ADGRD1: variants seen among roughly 807,000 people sequenced by gnomAD.
The protein encoded by ADGRD1 is G-protein coupled receptor 133.
A neutral mutation model predicts 113.4 loss-of-function variants in ADGRD1; 77 were observed. The observed-to-expected ratio is 0.68, with a 90% CI of 0.57 to 0.82. The LOEUF (loss-of-function observed/expected upper bound fraction) is 0.82, where lower values mean the gene tolerates loss of function less well. Among genes scored for constraint, ADGRD1 ranks in the 40% least tolerant of loss-of-function variants. The pLI, the probability that ADGRD1 is intolerant of heterozygous loss-of-function variation, is 0.00. For missense variants in ADGRD1, 1,036 were observed against 1,139.1 expected, an observed-to-expected ratio of 0.91 and a Z score of 1.30; for synonymous variants, 474 against 475.0, an observed-to-expected ratio of 1.00 and a Z score of 0.03.
chr12:130,969,165 CTA>C (rs1871334369), intron 3 of ADGRD1: 1 of 739,384 alleles, frequency 1.4e-6, no homozygotes, highest in Admixed American at 2.1e-5. Flanking sequence ...TCTGAATTCA[CTA>C]TGTCTTGGCT....
intron 13 of ADGRD1, among the ~76,000 whole-genome samples, chr12:131,062,020 TG>T: frequency 6.6e-6 from 1 of 152,158 alleles, no homozygotes; most frequent in African/African-American, 2.4e-5. Context: ...TTTTTTTGTT[TG>T]TTTGTTTTTT....
At chr12:130,973,921 C>T (rs757649424) in intron 4 of ADGRD1, among the ~76,000 whole-genome samples, 5 of 152,100 alleles carry the variant, frequency 3.3e-5, no homozygotes, top group Non-Finnish European at 5.9e-5. Flanking sequence ...GATCTTGTCT[C>T]TAACTTAAAG....
At chr12:131,085,200 G>A (rs1431877164) in intron 15 of ADGRD1, among the ~76,000 whole-genome samples, 1 of 152,246 alleles carries the variant, frequency 6.6e-6, no homozygotes, top group Non-Finnish European at 1.5e-5. Flanking sequence ...TGTGTTCACG[G>A]AGTGGTGAGG....
At chr12:130,982,410 T>C (rs996782320) in intron 5 of ADGRD1, among the ~76,000 whole-genome samples, 13 of 152,206 alleles carry the variant, frequency 8.5e-5, no homozygotes, top group African/African-American at 2.7e-4. Context: ...AAGCTGAAGA[T>C]ATGGTGTGCA....
At chr12:131,046,945 G>C (rs1463577601) in intron 13 of ADGRD1, among the ~76,000 whole-genome samples, 2 of 142,596 alleles carry the variant, frequency 1.4e-5, no homozygotes, top group Admixed American at 7.0e-5. Flanking sequence ...TCCCTCCCTG[G>C]TCAGTGTCCT....
intron 20 of ADGRD1, among the ~76,000 whole-genome samples, chr12:131,125,872 G>T (rs769398745): frequency 2.3e-4 from 35 of 152,168 alleles, no homozygotes; most frequent in Non-Finnish European, 5.0e-4. Context: ...TCTTTATAAT[G>T]CAATGTTGAA....
intron 15 of ADGRD1, among the ~76,000 whole-genome samples, chr12:131,103,050 CCT>C (rs1950129212): frequency 6.6e-6 from 1 of 152,234 alleles, no homozygotes; most frequent in South Asian, 2.1e-4. Context: ...TCTCCCTGGC[CCT>C]GGCCACGCAG....
At chr12:130,986,088 T>C (rs767082139) in intron 5 of ADGRD1, among the ~76,000 whole-genome samples, 2 of 152,210 alleles carry the variant, frequency 1.3e-5, no homozygotes, top group Non-Finnish European at 2.9e-5. Context: ...GTCTGGAAAT[T>C]GGGTAGTGTT....
chr12:131,071,506 C>T (rs1465527358), intron 13 of ADGRD1, among the ~76,000 whole-genome samples: 3 of 152,098 alleles, frequency 2.0e-5, no homozygotes, highest in Admixed American at 2.0e-4. Context: ...GGCGGGGTCC[C>T]TGTGGTTAAT....
At chr12:131,013,807 T>G (rs1478422413) in intron 12 of ADGRD1, among the ~76,000 whole-genome samples, 1 of 152,228 alleles carries the variant, frequency 6.6e-6, no homozygotes, top group African/African-American at 2.4e-5. Flanking sequence ...CACAGCTGAT[T>G]AAGTGGAATC....
In ADGRD1 at chr12:130,966,804, TAGAGATGG is replaced by T; in HGVS notation, c.187+259_187+266del. 2.4e-6 allele frequency: 1 copy of T among 412,190 alleles called. No homozygotes were observed. Among genetic ancestry groups the T allele is most frequent in the Non-Finnish European group, 4.6e-6 (1 of 219,398 alleles). 25.5% of individuals were successfully genotyped at this position (412,190 alleles called of 1,614,324 possible). On this transcript the variant is annotated intron_variant, in intron 3 of 24. Transcript: ENST00000261654. This position sits in a 1 kb window ranked among gnomAD's most constrained non-coding sequence, Gnocchi z 4.6. ...AGTTATTTCAAAGCTTTTTTTTTTGTAGAGATGGGGTCTTGCTATGTTGCCAGGCTGGT... is the reference window on the plus strand; with the variant it reads ...AGTTATTTCAAAGCTTTTTTTTTTGTGGTCTTGCTATGTTGCCAGGCTGGT...
At chr12:131,030,717 A>T (rs1880617473) in intron 13 of ADGRD1, 1 of 152,274 alleles carries the variant, frequency 6.6e-6, no homozygotes, top group African/African-American at 2.4e-5. Context: ...GGCCTTTGGC[A>T]TCTGTAGCGT....
chr12:131,102,051 A>G (rs1220586785), intron 15 of ADGRD1, among the ~76,000 whole-genome samples: 1 of 152,210 alleles, frequency 6.6e-6, no homozygotes, highest in Non-Finnish European at 1.5e-5. Context: ...TACCTGCAGA[A>G]TCCTCAGAAC....
intron 19 of ADGRD1, 95 bp downstream of exon 19, chr12:131,118,546 G>A (rs1375010745): frequency 4.6e-6 from 4 of 866,342 alleles, no homozygotes; most frequent in Non-Finnish European, 7.3e-6. Flanking sequence ...GCTCTTCTGG[G>A]TGCAGGGGTG....
intron 12 of ADGRD1, among the ~76,000 whole-genome samples, chr12:131,013,816 T>C (rs1878223937): frequency 6.6e-6 from 1 of 152,188 alleles, no homozygotes; most frequent in African/African-American, 2.4e-5. Context: ...TTAAGTGGAA[T>C]CGGTGAGATT....
Position 131,004,312 on chromosome 12 carries a change from C to G in ADGRD1, c.1255+16C>G. 1 of 1,558,508 alleles carries G rather than the reference C, an allele frequency of 6.4e-7. No individual in the cohort carries two copies. Among genetic ancestry groups the G allele is most frequent in the South Asian group, 1.1e-5 (1 of 89,794 alleles). On this transcript the variant is annotated intron_variant, in intron 11 of 24. Coordinates refer to ENST00000261654, the MANE Select transcript of ADGRD1 (RefSeq NM_198827.5). Reference sequence around the variant, plus strand: ...CACAGGCACGGTGAGTGTGGCTGCGCTGGACTCCCTTCCGGGGCGGCTCCC... The same window carrying G: ...CACAGGCACGGTGAGTGTGGCTGCGGTGGACTCCCTTCCGGGGCGGCTCCC...
At chr12:131,124,973 G>C (rs1384710212) in intron 20 of ADGRD1, among the ~76,000 whole-genome samples, 1 of 152,130 alleles carries the variant, frequency 6.6e-6, no homozygotes, top group African/African-American at 2.4e-5. Context: ...CAAGATCGAG[G>C]TGTCGTCAGG....
chr12:130,958,899 T>C (rs1424281846), intron 2 of ADGRD1, among the ~76,000 whole-genome samples: 1 of 152,218 alleles, frequency 6.6e-6, no homozygotes, highest in African/African-American at 2.4e-5. Context: ...TGTCACGCCC[T>C]CGCACCGCGG....
In ADGRD1 at chr12:131,139,832, C is replaced by T. The variant is rs184064683; in HGVS notation, c.*569C>T. On this transcript the variant is annotated 3_prime_UTR_variant, in exon 25 of 25. Transcript: ENST00000261654. Reference sequence around the variant, plus strand: ...TGGTGTGTGTCTCTGTAGGTGGTGCCGGCGTGGGCCAACCTGTGCTGTGTC... The same window carrying T: ...TGGTGTGTGTCTCTGTAGGTGGTGCTGGCGTGGGCCAACCTGTGCTGTGTC... The T allele has an allele frequency of 5.6e-4, 85 of 153,102 alleles. No homozygotes were observed. The highest frequency in any genetic ancestry group is 8.2e-4 in the South Asian group (4 of 4,868). The allele number at this position is 153,102 out of a possible 1,614,324, so 9.5% of individuals were successfully genotyped here. A position where few individuals can be genotyped will look rare whatever the true frequency, so the allele number is the denominator to read the frequency against.
Sources: gnomAD v4.1 joint callset for allele counts (sites outside exome capture counted in the v4.1 genomes callset) on GRCh38, gnomAD v4.1.1 for gene constraint, Gnocchi (gnomAD v3.1) non-coding constraint, MANE v1.5 for transcripts, NCBI Gene and HGNC (gene_info 2026-07-23, HGNC 2026-07-21) for gene names.